The following RAPGEF2 variants were observed in gnomAD, a reference collection of about 807,000 sequenced individuals.
RAPGEF2 encodes Rap guanine nucleotide exchange factor 2, also known as PDZ domain containing guanine nucleotide exchange factor (GEF) 1.
RAPGEF2 carries 54 observed loss-of-function variants against 186.7 expected under a neutral mutation model. That is an observed-to-expected ratio of 0.29 (90% CI 0.23 to 0.36). The LOEUF (loss-of-function observed/expected upper bound fraction) is 0.36. Among genes scored for constraint, RAPGEF2 ranks in the 10% least tolerant of loss-of-function variants. The pLI is 1.00. For missense variants in RAPGEF2, 1,532 were observed against 2,045.0 expected, an observed-to-expected ratio of 0.75 and a Z score of 4.84; for synonymous variants, 712 against 705.9, an observed-to-expected ratio of 1.01 and a Z score of -0.14.
At chr4:159,141,787 G>C (rs1312537645) in intron 1 of RAPGEF2, among the ~76,000 whole-genome samples, 1 of 152,098 alleles carries the variant, frequency 6.6e-6, no homozygotes, top group Non-Finnish European at 1.5e-5. Context: ...CTTTGATTCT[G>C]AGTGAGGCTG....
At chr4:159,266,455 T>C (rs1757436030) in intron 7 of RAPGEF2, among the ~76,000 whole-genome samples, 1 of 152,210 alleles carries the variant, frequency 6.6e-6, no homozygotes, top group Non-Finnish European at 1.5e-5. Context: ...GTCCTTATTC[T>C]TTGTCAAGTA....
chr4:159,108,501 A>C (rs1312030777), intron 1 of RAPGEF2, among the ~76,000 whole-genome samples: 1 of 151,102 alleles, frequency 6.6e-6, no homozygotes, highest in Non-Finnish European at 1.5e-5. Context: ...ATTTAATCTC[A>C]CTGTTTTTAA....
In RAPGEF2 at chr4:159,188,181, C is replaced by T. The variant is rs992245910; in HGVS notation, c.140+1469C>T. On this transcript the variant is annotated intron_variant, in intron 2 of 29. Coordinates refer to ENST00000691494, the MANE Select transcript of RAPGEF2 (RefSeq NM_001394067.2). ...GTACTAACAATTATTTAATTGCGTG[C>T]GGTTAATTCATAAATGGAAATGCAA... Among the ~76,000 whole-genome samples the T allele has an allele frequency of 3.3e-5, 5 of 152,096 alleles. No individual in the cohort carries two copies. The East Asian group carries it at 5.8e-4, about 18-fold the overall frequency.
chr4:159,254,316 G>T (rs948022282), intron 7 of RAPGEF2, among the ~76,000 whole-genome samples: 1 of 152,124 alleles, frequency 6.6e-6, no homozygotes, highest in Non-Finnish European at 1.5e-5. Context: ...GCACTTGAGC[G>T]CAGTGAAAAA....
chr4:159,275,846 C>A (rs564431761), intron 7 of RAPGEF2, among the ~76,000 whole-genome samples: 1 of 151,852 alleles, frequency 6.6e-6, no homozygotes. Flanking sequence ...TTCATTCCCT[C>A]TCTTTTCTTA....
chr4:159,239,989 T>C (rs1195820736), intron 5 of RAPGEF2, among the ~76,000 whole-genome samples: 2 of 152,212 alleles, frequency 1.3e-5, no homozygotes. Context: ...TACTAAAATA[T>C]TTGGTAAAGT....
intron 1 of RAPGEF2, among the ~76,000 whole-genome samples, chr4:159,120,574 C>G (rs1383676335): frequency 6.6e-6 from 1 of 152,264 alleles, no homozygotes; most frequent in Admixed American, 6.5e-5. Context: ...ATAAACTGCT[C>G]TTAATGTTTT....
chr4:159,209,902 C>T (rs1342791669), intron 3 of RAPGEF2, among the ~76,000 whole-genome samples: 1 of 152,142 alleles, frequency 6.6e-6, no homozygotes, highest in African/African-American at 2.4e-5. Flanking sequence ...ATGGCACATC[C>T]ATACATGCTT....
intron 12 of RAPGEF2, among the ~76,000 whole-genome samples, 155 bp from the exon 13 acceptor site, chr4:159,330,179 C>T (rs966689278): frequency 3.3e-5 from 5 of 151,480 alleles, no homozygotes; most frequent in African/African-American, 1.2e-4. Flanking sequence ...TAATTGTTAA[C>T]TGTGTTACTA....
chr4:159,255,698 AT>A (rs887470581), intron 7 of RAPGEF2, among the ~76,000 whole-genome samples: 171 of 151,508 alleles, frequency 1.1e-3, no homozygotes, highest in African/African-American at 3.8e-3. Context: ...TTGGGTAGAG[AT>A]TTTTTTTTAA....
intron 4 of RAPGEF2, among the ~76,000 whole-genome samples, chr4:159,225,116 A>C (rs1751894597): frequency 6.6e-6 from 1 of 152,182 alleles, no homozygotes; most frequent in African/African-American, 2.4e-5. Flanking sequence ...TCACCTGAGA[A>C]AGGTTGTAGA....
intron 1 of RAPGEF2, among the ~76,000 whole-genome samples, chr4:159,149,104 T>C (rs1743254268): frequency 6.6e-6 from 1 of 152,162 alleles, no homozygotes; most frequent in Non-Finnish European, 1.5e-5. Flanking sequence ...ATAGCTGTCA[T>C]GAAACACATT....
chr4:159,332,949 TTTTAG>T (rs1264051198), intron 17 of RAPGEF2: 19 of 247,328 alleles, frequency 7.7e-5, no homozygotes, highest in Admixed American at 2.7e-4. Context: ...GGTTTGGACT[TTTTAG>T]TTTATTTTTT....
chr4:159,166,823 G>T (rs1351161889), intron 1 of RAPGEF2, among the ~76,000 whole-genome samples: 2 of 152,142 alleles, frequency 1.3e-5, no homozygotes, highest in African/African-American at 2.4e-5. Flanking sequence ...GTCCAAAAAG[G>T]TTTCTCTGAG....
At chr4:159,112,106 C>A (rs1466730946) in intron 1 of RAPGEF2, among the ~76,000 whole-genome samples, 2 of 152,186 alleles carry the variant, frequency 1.3e-5, no homozygotes, top group African/African-American at 4.8e-5. Flanking sequence ...CTCCCCTCCC[C>A]CTGCGCAGCA....
intron 4 of RAPGEF2, among the ~76,000 whole-genome samples, chr4:159,212,758 T>C (rs530281931): frequency 1.3e-5 from 2 of 152,348 alleles, no homozygotes; most frequent in African/African-American, 4.8e-5. Flanking sequence ...ATTGTGACTT[T>C]ATCATCATCT....
At chr4:159,168,121 G>C (rs1419622336) in intron 1 of RAPGEF2, among the ~76,000 whole-genome samples, 1 of 152,138 alleles carries the variant, frequency 6.6e-6, no homozygotes, top group Non-Finnish European at 1.5e-5. Context: ...TGGGGTTATT[G>C]CCAGAGTTGT....
intron 1 of RAPGEF2, among the ~76,000 whole-genome samples, chr4:159,174,148 T>C (rs568515420): frequency 1.3e-5 from 2 of 152,364 alleles, no homozygotes; most frequent in East Asian, 3.9e-4. Flanking sequence ...TGAAAAATCG[T>C]AACTTAACAA....
chr4:159,164,894 A>G (rs559420055), intron 1 of RAPGEF2, among the ~76,000 whole-genome samples: 2 of 152,322 alleles, frequency 1.3e-5, no homozygotes, highest in South Asian at 4.1e-4. Flanking sequence ...TTTTTGTTTT[A>G]AGAAAAATGA....
Sources: allele counts gnomAD v4.1 joint callset (sites outside exome capture counted in the v4.1 genomes callset), GRCh38; gene constraint gnomAD v4.1.1; transcripts MANE v1.5; gene names NCBI Gene and HGNC (gene_info 2026-07-23, HGNC 2026-07-21).